Variants in CORIN observed in about 807,000 individuals in gnomAD.
The protein encoded by CORIN is atrial natriuretic peptide-converting enzyme.
CORIN carries 117 observed loss-of-function variants against 125.3 expected under a neutral mutation model. That is an observed-to-expected ratio of 0.93 (90% CI 0.80 to 1.09). The LOEUF is 1.09. Ranked by LOEUF, CORIN falls within the 50% of genes least tolerant of loss-of-function variation. CORIN has a pLI of 0.00. For missense variants in CORIN, 1,253 were observed against 1,306.7 expected (o/e 0.96, Z 0.63); for synonymous variants, 450 against 466.4 (o/e 0.96, Z 0.45).
At chr4:47,805,066 G>A (rs1251109243) in intron 2 of CORIN, among the ~76,000 whole-genome samples, 1 of 148,654 alleles carries the variant, frequency 6.7e-6, no homozygotes, top group Non-Finnish European at 1.5e-5. Flanking sequence ...AACCCAGGAG[G>A]CAGAGCTTGC....
chr4:47,812,585 G>C (rs1732108656), intron 1 of CORIN, among the ~76,000 whole-genome samples: 1 of 152,134 alleles, frequency 6.6e-6, no homozygotes, highest in African/African-American at 2.4e-5. Context: ...CAAGCTGAAA[G>C]AGTACCACAA....
At chr4:47,644,418 A>ATGTGATATGTATATGATAATATAAAACT (rs1491396016) in intron 14 of CORIN, among the ~76,000 whole-genome samples, 1 of 152,140 alleles carries the variant, frequency 6.6e-6, no homozygotes, top group Non-Finnish European at 1.5e-5. Context: ...AATATAAAAC[A>ATGTGATATGTATATGATAATATAAAACT]TGTGATATGT....
At chr4:47,786,974 T>C (rs759901155) in intron 2 of CORIN, 49 bp from the exon 3 acceptor site, 7 of 1,255,222 alleles carry the variant, frequency 5.6e-6, no homozygotes, top group Non-Finnish European at 5.6e-6. Context: ...GAAACATTAC[T>C]AGAAGTGTTT....
intron 16 of CORIN, among the ~76,000 whole-genome samples, chr4:47,634,161 G>C (rs1353798588): frequency 6.6e-6 from 1 of 152,148 alleles, no homozygotes; most frequent in Non-Finnish European, 1.5e-5. Flanking sequence ...TACCCTCAAG[G>C]CTCTTCAGCT....
intron 5 of CORIN, among the ~76,000 whole-genome samples, chr4:47,696,896 T>C (rs1002054100): frequency 6.6e-6 from 1 of 152,156 alleles, no homozygotes; most frequent in Non-Finnish European, 1.5e-5. Context: ...ACTTTTAGAG[T>C]CCTTTTCAAA....
intron 10 of CORIN, among the ~76,000 whole-genome samples, chr4:47,668,543 T>C (rs1323495407): frequency 6.6e-6 from 1 of 152,234 alleles, no homozygotes; most frequent in Non-Finnish European, 1.5e-5. Context: ...CCTGATATCT[T>C]TAATATACTT....
At chr4:47,692,749 G>A (rs145509531) in intron 6 of CORIN, among the ~76,000 whole-genome samples, 1 of 152,256 alleles carries the variant, frequency 6.6e-6, no homozygotes, top group African/African-American at 2.4e-5. Flanking sequence ...CAAAAACGCT[G>A]CAATCCCTCA....
chr4:47,793,896 A>C (rs1339545753), intron 2 of CORIN, among the ~76,000 whole-genome samples: 3 of 152,180 alleles, frequency 2.0e-5, no homozygotes, highest in Non-Finnish European at 4.4e-5. Flanking sequence ...CATTTTACAC[A>C]AACTTCCAAG....
intron 1 of CORIN, among the ~76,000 whole-genome samples, chr4:47,820,150 A>C (rs1732446014): frequency 6.6e-6 from 1 of 152,184 alleles, no homozygotes; most frequent in South Asian, 2.1e-4. Flanking sequence ...GTTTAAATAC[A>C]TAGTGGCAGT....
intron 2 of CORIN, among the ~76,000 whole-genome samples, chr4:47,804,744 GGT>G (rs1731697133): frequency 1.5e-5 from 2 of 131,274 alleles, no homozygotes; most frequent in African/African-American, 5.6e-5. Flanking sequence ...GGAGGGGGGG[GGT>G]TGTTAATGGG....
rs564323337 is a variant in CORIN, at chr4:47,664,925, T to C, written c.1589+107A>G. 9 of 649,126 alleles carry C rather than the reference T, an allele frequency of 1.4e-5. No individual in the cohort carries two copies. In the South Asian group the frequency reaches 1.6e-4, roughly 12 times the overall value. 40.2% of individuals were successfully genotyped at this position (649,126 alleles called of 1,614,324 possible). A position where few individuals can be genotyped will look rare whatever the true frequency, so the allele number is the denominator to read the frequency against. On this transcript the variant is annotated intron_variant, in intron 11 of 21. Transcript: ENST00000273857. ...TGTTAAATATAAAGTATTTGATAAA[T>C]GCAGAGCTCCTTAGGGAAATTTACG...
intron 3 of CORIN, among the ~76,000 whole-genome samples, chr4:47,774,429 T>A (rs1730197163): frequency 6.6e-6 from 1 of 152,204 alleles, no homozygotes; most frequent in South Asian, 2.1e-4. Context: ...ATTTTTTCCT[T>A]CTTGCTTTAT....
chr4:47,815,266 GA>G (rs200918329), intron 1 of CORIN, among the ~76,000 whole-genome samples: 3 of 149,140 alleles, frequency 2.0e-5, no homozygotes, highest in East Asian at 1.9e-4. Flanking sequence ...AAAGAAAAAT[GA>G]AAAAAAAATG....
chr4:47,694,751 C>T (rs746949573), intron 5 of CORIN, among the ~76,000 whole-genome samples: 10 of 152,164 alleles, frequency 6.6e-5, no homozygotes, highest in Non-Finnish European at 1.3e-4. Flanking sequence ...ATTTCCCACC[C>T]ATGTTCCTGG....
intron 2 of CORIN, among the ~76,000 whole-genome samples, chr4:47,797,341 A>T (rs1731341272): frequency 1.3e-5 from 2 of 151,716 alleles, no homozygotes. Flanking sequence ...ATAAAGTGAC[A>T]CTTGTTGTCA....
intron 6 of CORIN, 141 bp downstream of exon 6, chr4:47,692,829 C>T: frequency 1.5e-6 from 1 of 669,358 alleles, no homozygotes; most frequent in East Asian, 2.6e-5. Flanking sequence ...TGCAAACATG[C>T]TGCTGTCATT....
chr4:47,683,477 C>T (rs1239401381), intron 7 of CORIN: 3 of 330,474 alleles, frequency 9.1e-6, no homozygotes, highest in Non-Finnish European at 1.7e-5. Context: ...ACTATTAATG[C>T]ATTAACAACC....
intron 2 of CORIN, among the ~76,000 whole-genome samples, chr4:47,790,646 C>T (rs1355201398): frequency 6.6e-6 from 1 of 152,184 alleles, no homozygotes; most frequent in East Asian, 1.9e-4. Context: ...GCACTAAGTT[C>T]TCCGTAACTG....
chr4:47,804,738 G>C (rs1333253662), intron 2 of CORIN, among the ~76,000 whole-genome samples: 4 of 131,366 alleles, frequency 3.0e-5, no homozygotes, highest in African/African-American at 9.0e-5. Context: ...GGGTGGGGAG[G>C]GGGGGGGTTG....
Sources: allele counts gnomAD v4.1 joint callset (sites outside exome capture counted in the v4.1 genomes callset), GRCh38; gene constraint gnomAD v4.1.1; transcripts MANE v1.5; gene names NCBI Gene and HGNC (gene_info 2026-07-23, HGNC 2026-07-21).